Variants in PDSS1 observed in about 807,000 individuals in gnomAD.
The protein encoded by PDSS1 is all trans-polyprenyl-diphosphate synthase PDSS1.
In PDSS1, 43 loss-of-function variants were observed where a neutral mutation model predicts 57.5. The observed-to-expected ratio is 0.75, with a 90% confidence interval of 0.59 to 0.96. The LOEUF (loss-of-function observed/expected upper bound fraction) is 0.96. PDSS1 is among the 50% of genes least tolerant of loss of function. PDSS1 has a pLI of 0.00. For synonymous variants in PDSS1, 175 were observed against 191.3 expected (o/e 0.91, Z 0.70); for missense variants, 438 against 527.8 (o/e 0.83, Z 1.67).
intron 8 of PDSS1, chr10:26,734,563 G>C (rs1329130367): frequency 7.5e-6 from 3 of 401,814 alleles, no homozygotes; most frequent in Admixed American, 6.3e-5. Flanking sequence ...TTGAAAGGAG[G>C]GAAAAGGGTT....
At chr10:26,727,157 CAAAATACATTTTGTAGT>C (rs1197883091) in intron 8 of PDSS1, among the ~76,000 whole-genome samples, 84 of 152,034 alleles carry the variant, frequency 5.5e-4, no homozygotes, top group Non-Finnish European at 1.1e-3. Flanking sequence ...TGTACTCATG[CAAAATACATTTTGTAGT>C]TTACTAATAA....
chr10:26,711,152 A>G (rs1194456349), intron 5 of PDSS1, among the ~76,000 whole-genome samples: 1 of 98,872 alleles, frequency 1.0e-5, no homozygotes, highest in Non-Finnish European at 2.4e-5. Context: ...TCAAAAAAAA[A>G]AAGTTTTTAA....
At chr10:26,728,953 G>T (rs1836068139) in intron 8 of PDSS1, among the ~76,000 whole-genome samples, 1 of 151,440 alleles carries the variant, frequency 6.6e-6, no homozygotes, top group Admixed American at 6.6e-5. Context: ...TGACTTTTTT[G>T]TATTTTTAGT....
intron 6 of PDSS1, among the ~76,000 whole-genome samples, chr10:26,723,144 G>A (rs1835842584): frequency 6.6e-6 from 1 of 152,058 alleles, no homozygotes; most frequent in African/African-American, 2.4e-5. Flanking sequence ...TGTGATGGTC[G>A]CAGCATGCAT....
intron 3 of PDSS1, 113 bp downstream of exon 3, chr10:26,704,854 C>G: frequency 1.5e-6 from 1 of 689,356 alleles, no homozygotes; most frequent in Non-Finnish European, 2.6e-6. Context: ...CCAGGCTGGT[C>G]TTGAACTGCT....
intron 8 of PDSS1, among the ~76,000 whole-genome samples, chr10:26,726,876 A>T (rs1835966243): frequency 6.6e-6 from 1 of 152,156 alleles, no homozygotes; most frequent in African/African-American, 2.4e-5. Flanking sequence ...AGCCTGGCCA[A>T]CATGGCAAAA....
At chr10:26,715,093 A>G (rs1315734617) in intron 5 of PDSS1, 1 of 152,310 alleles carries the variant, frequency 6.6e-6, no homozygotes, top group Non-Finnish European at 1.5e-5. Context: ...GCTGCTGTTT[A>G]TGGGATAGGC....
At chr10:26,712,001 CTTTTTTTT>C (rs543847648) in intron 5 of PDSS1, among the ~76,000 whole-genome samples, 1 of 61,898 alleles carries the variant, frequency 1.6e-5, no homozygotes, top group Non-Finnish European at 3.6e-5. Context: ...TTTTCTTTTT[CTTTTTTTT>C]TTTTTTTTTT....
At position 26,709,780 on chromosome 10, in the gene PDSS1, T is replaced by C. The variant is rs1835361866; in HGVS notation, c.467+12T>C. On this transcript the variant is annotated intron_variant, in intron 5 of 11. Transcript: ENST00000376215. ...CATAACAACTCCCGGTGAGCTCTTT[T>C]TTTCATTCCTTTCTTGTTTTTATAT... The C allele has an allele frequency of 6.2e-7, 1 of 1,613,178 alleles. No homozygotes were observed. Among genetic ancestry groups the C allele is most frequent in the East Asian group, 2.2e-5 (1 of 44,866 alleles).
chr10:26,742,229 A>G (rs1300405932), intron 10 of PDSS1, among the ~76,000 whole-genome samples: 1 of 152,166 alleles, frequency 6.6e-6, no homozygotes, highest in African/African-American at 2.4e-5. Flanking sequence ...CTCTTAACTC[A>G]GTGTTGGACT....
At chr10:26,727,868 T>G (rs1836012741) in intron 8 of PDSS1, among the ~76,000 whole-genome samples, 1 of 152,172 alleles carries the variant, frequency 6.6e-6, no homozygotes, top group Non-Finnish European at 1.5e-5. Context: ...CCTTGGTATT[T>G]GGAAGAGTGC....
In PDSS1 at chr10:26,735,561, C is replaced by T; in HGVS notation, c.1008C>T (p.Val336=). ...DLKLGLATGP[V]LFACQQFPEM... is the part of the protein sequence containing the mutation. ...AGCTCGGGTTAGCCACTGGTCCTGT[C>T]CTGTTTGCCTGTCAGCAGGTAGGTT... Residue 336 remains valine, a synonymous_variant, in exon 10 of 12, where the codon GTC becomes GTT. Coordinates refer to ENST00000376215, the MANE Select transcript of PDSS1 (RefSeq NM_014317.5). 2 of 1,611,152 alleles carry T rather than the reference C, an allele frequency of 1.2e-6. No individual in the cohort carries two copies. Among genetic ancestry groups the T allele is most frequent in the Non-Finnish European group, 8.5e-7 (1 of 1,177,284 alleles).
rs376547020 is a variant in PDSS1 at position 26,742,456 on chromosome 10, A to C, written c.1027-41A>C. Reference sequence around the variant, plus strand: ...TAGAACACTTGTTTCTCCCAAGAGAAATAAATAGATTTTCTCAGATTTTCT... The same window carrying C: ...TAGAACACTTGTTTCTCCCAAGAGACATAAATAGATTTTCTCAGATTTTCT... On this transcript the variant is annotated intron_variant, in intron 10 of 11. Coordinates refer to ENST00000376215, the MANE Select transcript of PDSS1 (RefSeq NM_014317.5). The C allele has an allele frequency of 2.1e-4, 290 of 1,407,630 alleles. 4 individuals carry two copies. In the South Asian group the frequency reaches 2.9e-3, roughly 14 times the overall value. The allele number at this position is 1,407,630 out of a possible 1,614,324, so 87.2% of individuals were successfully genotyped here.
chr10:26,745,291 G>GTAT (rs1349848943), intron 11 of PDSS1, among the ~76,000 whole-genome samples: 12 of 152,188 alleles, frequency 7.9e-5, no homozygotes, highest in Admixed American at 7.9e-4. Flanking sequence ...TACTTTATTA[G>GTAT]TATTTGGCTT....
chr10:26,702,446 T>C (rs891877936), intron 2 of PDSS1, among the ~76,000 whole-genome samples: 3 of 152,196 alleles, frequency 2.0e-5, no homozygotes, highest in African/African-American at 4.8e-5. Flanking sequence ...GTTCTTGTTA[T>C]AGCGAATTCT....
At chr10:26,704,083 C>CAAAAAAAAAAATAA (rs1835132493) in intron 2 of PDSS1, among the ~76,000 whole-genome samples, 1 of 31,050 alleles carries the variant, frequency 3.2e-5, no homozygotes, top group Non-Finnish European at 6.1e-5. Flanking sequence ...CTCCGTCTCA[C>CAAAAAAAAAAATAA]AAAAAAAAAA....
rs150907325 is a variant in PDSS1 at position 26,730,203 on chromosome 10, C to T, written c.832-5037C>T. 9.6e-3 allele frequency among the ~76,000 whole-genome samples: 1,452 copies of T among 152,034 alleles called. 87 individuals are homozygous for T. In the South Asian group the frequency reaches 0.16, roughly 17 times the overall value. Reference sequence around the variant, plus strand: ...CTGGGATTACAGGTGTGAGCCACCGCGCCCAGCCTAGTTGGATTCATTTTT... The same window carrying T: ...CTGGGATTACAGGTGTGAGCCACCGTGCCCAGCCTAGTTGGATTCATTTTT... On this transcript the variant is annotated intron_variant, in intron 8 of 11. Coordinates refer to ENST00000376215, the MANE Select transcript of PDSS1 (RefSeq NM_014317.5).
chr10:26,746,269 G>C (rs768134683), intron 11 of PDSS1, 64 bp from the exon 12 acceptor site: 24 of 1,505,702 alleles, frequency 1.6e-5, no homozygotes, highest in Non-Finnish European at 2.2e-5. Context: ...TATTATAGCA[G>C]GAAGTTAAAA....
chr10:26,728,207 A>G (rs570422658), intron 8 of PDSS1, among the ~76,000 whole-genome samples: 1 of 152,246 alleles, frequency 6.6e-6, no homozygotes, highest in East Asian at 1.9e-4. Flanking sequence ...ATTATAAAAA[A>G]TTAGCTGGGC....
Sources: allele counts gnomAD v4.1 joint callset (sites outside exome capture counted in the v4.1 genomes callset), GRCh38; gene constraint gnomAD v4.1.1; transcripts MANE v1.5; gene names NCBI Gene and HGNC (gene_info 2026-07-23, HGNC 2026-07-21).